The following SNTG1 variants were observed in gnomAD, a reference collection of about 807,000 sequenced individuals.
SNTG1 encodes the protein gamma-1-syntrophin.
SNTG1 carries 39 observed loss-of-function variants against 74.7 expected under a neutral mutation model. The observed-to-expected ratio is 0.52, with a 90% confidence interval of 0.40 to 0.68. The LOEUF is 0.68. SNTG1 is among the 30% of genes least tolerant of loss of function. The probability of loss-of-function intolerance (pLI) is 0.00; values close to 1 mark genes in which losing one functional copy is unlikely to be tolerated. For missense variants in SNTG1, 685 were observed against 609.5 expected (o/e 1.12, Z -1.30); for synonymous variants, 254 against 217.1 (o/e 1.17, Z -1.49).
At chr8:50,550,129 C>T (rs13259136) in intron 11 of SNTG1, among the ~76,000 whole-genome samples, 2,052 of 152,264 alleles carry the variant, frequency 0.013, 20 homozygotes, top group Non-Finnish European at 0.021. Context: ...TTACCAGTGA[C>T]AGTCTTTTCC....
At position 50,331,137 on chromosome 8, in the gene SNTG1, G is replaced by A. The variant is rs190424087; in HGVS notation, c.-27-63075G>A. Among the ~76,000 whole-genome samples the A allele has an allele frequency of 1.4e-3, 217 of 152,114 alleles. 1 individual carries two copies. The highest frequency in any genetic ancestry group is 0.01 in the Middle Eastern group (3 of 294). ...TGTGTGTGTATGTGCACATTTGTAC[G>A]TACATGCTATATAACTGTCAGGGAA... On this transcript the variant is annotated intron_variant, in intron 2 of 18. Transcript: ENST00000642720.
chr8:50,104,158 C>G (rs1418311306), intron 1 of SNTG1, among the ~76,000 whole-genome samples: 1 of 152,130 alleles, frequency 6.6e-6, no homozygotes, highest in Non-Finnish European at 1.5e-5. Context: ...CCTTGTACCT[C>G]TGGTAGAATT....
At chr8:50,619,092 T>A (rs2094903779) in intron 13 of SNTG1, among the ~76,000 whole-genome samples, 1 of 152,154 alleles carries the variant, frequency 6.6e-6, no homozygotes, top group Non-Finnish European at 1.5e-5. Context: ...TAATTTAAGC[T>A]TTATATTATG....
At chr8:50,267,545 C>T (rs2087545509) in intron 2 of SNTG1, among the ~76,000 whole-genome samples, 1 of 152,080 alleles carries the variant, frequency 6.6e-6, no homozygotes, top group South Asian at 2.1e-4. Context: ...TTAGAATGCT[C>T]ATCTATTACA....
At chr8:50,043,083 T>C (rs1244196890) in intron 1 of SNTG1, among the ~76,000 whole-genome samples, 2 of 152,242 alleles carry the variant, frequency 1.3e-5, no homozygotes, top group Admixed American at 6.5e-5. Context: ...CTCTGTTATT[T>C]TCCTTCTACT....
At chr8:50,352,413 G>A (rs777233972) in intron 2 of SNTG1, among the ~76,000 whole-genome samples, 20 of 150,208 alleles carry the variant, frequency 1.3e-4, no homozygotes, top group Non-Finnish European at 2.2e-4. Context: ...TTTTTTGGAC[G>A]TAGTTTCACT....
At chr8:50,071,614 G>A (rs887132558) in intron 1 of SNTG1, among the ~76,000 whole-genome samples, 1 of 151,928 alleles carries the variant, frequency 6.6e-6, no homozygotes, top group Non-Finnish European at 1.5e-5. Flanking sequence ...GAGTAGCTGG[G>A]ATTATAGGCT....
rs1808646982 is a variant in SNTG1, at chr8:49,941,141, G to A, written c.-103+28910G>A. The stretch of plus-strand genomic sequence containing the variant: ...CACTCTGCATTCAAGCTCTGACAAC[G>A]CAAGAGTGGGTGGTTTCACAAAGGG... On this transcript the variant is annotated intron_variant, in intron 1 of 18. Coordinates refer to ENST00000642720, the MANE Select transcript of SNTG1 (RefSeq NM_018967.5). 1.3e-5 allele frequency among the ~76,000 whole-genome samples: 2 copies of A among 152,156 alleles called. 1 individual carries two copies. The highest frequency in any genetic ancestry group is 4.1e-4 in the South Asian group (2 of 4,822).
intron 1 of SNTG1, among the ~76,000 whole-genome samples, chr8:49,917,823 G>T (rs950363954): frequency 3.9e-5 from 6 of 152,230 alleles, no homozygotes; most frequent in African/African-American, 1.4e-4. Context: ...AAGGAGGGAG[G>T]CTAGCCAGTG....
chr8:50,087,719 A>T (rs902026125), intron 1 of SNTG1, among the ~76,000 whole-genome samples: 3 of 152,146 alleles, frequency 2.0e-5, no homozygotes, highest in Non-Finnish European at 4.4e-5. Flanking sequence ...TTAGACAGAC[A>T]ACTATGGGCA....
intron 13 of SNTG1, among the ~76,000 whole-genome samples, chr8:50,595,754 T>A (rs2094722868): frequency 6.6e-6 from 1 of 152,038 alleles, no homozygotes; most frequent in Admixed American, 6.6e-5. Flanking sequence ...GCTTCTTTCA[T>A]ACAGCATAAT....
At chr8:50,168,313 G>A (rs1056103241) in intron 1 of SNTG1, among the ~76,000 whole-genome samples, 2 of 151,978 alleles carry the variant, frequency 1.3e-5, no homozygotes, top group Non-Finnish European at 2.9e-5. Flanking sequence ...TGTAAATAAG[G>A]CCACAAATTG....
intron 2 of SNTG1, among the ~76,000 whole-genome samples, chr8:50,173,459 C>A (rs551859743): frequency 5.9e-5 from 9 of 152,022 alleles, no homozygotes; most frequent in Non-Finnish European, 1.0e-4. Context: ...TCAATGAGTG[C>A]CAGTACTGAA....
At chr8:50,536,603 A>G in intron 10 of SNTG1, 75 bp from the exon 11 acceptor site, 2 of 1,533,420 alleles carry the variant, frequency 1.3e-6, no homozygotes, top group Non-Finnish European at 8.8e-7. Flanking sequence ...TATCCCCCAG[A>G]TAAAAGGGGT....
At chr8:50,037,995 C>G (rs1343953908) in intron 1 of SNTG1, among the ~76,000 whole-genome samples, 2 of 152,116 alleles carry the variant, frequency 1.3e-5, no homozygotes, top group South Asian at 2.1e-4. Context: ...TCCTTGCCCT[C>G]GCTTTTAATT....
At chr8:50,599,470 A>C (rs973651876) in intron 13 of SNTG1, among the ~76,000 whole-genome samples, 2 of 152,106 alleles carry the variant, frequency 1.3e-5, no homozygotes, top group African/African-American at 4.8e-5. Context: ...CATTTTAATA[A>C]TATTGATTCT....
At chr8:50,086,639 G>C (rs568416025) in intron 1 of SNTG1, among the ~76,000 whole-genome samples, 2 of 152,178 alleles carry the variant, frequency 1.3e-5, no homozygotes, top group South Asian at 2.1e-4. Flanking sequence ...CTGAGGCATG[G>C]GAGGCTGTGC....
At chr8:50,706,832 C>A (rs1005166136) in intron 16 of SNTG1, among the ~76,000 whole-genome samples, 1 of 151,648 alleles carries the variant, frequency 6.6e-6, no homozygotes, top group Non-Finnish European at 1.5e-5. Flanking sequence ...TTATCACTTC[C>A]AGTAAAGTTG....
chr8:50,149,461 T>C (rs2081987808), intron 1 of SNTG1, among the ~76,000 whole-genome samples: 1 of 152,238 alleles, frequency 6.6e-6, no homozygotes, highest in Non-Finnish European at 1.5e-5. Flanking sequence ...CATGAAGTCC[T>C]TGCCCATGCC....
Sources: gnomAD v4.1 joint callset for allele counts (sites outside exome capture counted in the v4.1 genomes callset) on GRCh38, gnomAD v4.1.1 for gene constraint, MANE v1.5 for transcripts, NCBI Gene and HGNC (gene_info 2026-07-23, HGNC 2026-07-21) for gene names.